Variants in MROH7 observed in about 807,000 individuals in gnomAD.
MROH7 encodes the protein maestro heat like repeat family member 7.
Under a neutral mutation model 129.2 loss-of-function variants are expected in MROH7, and 113 were observed. The observed-to-expected ratio is 0.87, with a 90% CI of 0.75 to 1.02. The LOEUF is 1.02. Among genes scored for constraint, MROH7 ranks in the 50% least tolerant of loss-of-function variants. The probability of loss-of-function intolerance (pLI) is 0.00; values close to 1 mark genes in which losing one functional copy is unlikely to be tolerated. For missense variants in MROH7, 1,601 were observed against 1,671.3 expected (o/e 0.96, Z 0.73); for synonymous variants, 655 against 667.9 (o/e 0.98, Z 0.30).
intron 12 of MROH7, 70 bp from the exon 13 acceptor site, chr1:54,679,821 C>T (rs1645040487): frequency 6.7e-7 from 1 of 1,482,680 alleles, no homozygotes. Flanking sequence ...CCCTCTCCTC[C>T]CACCTTCCTG....
intron 3 of MROH7, 106 bp from the exon 4 acceptor site, chr1:54,665,061 G>A (rs1038500392): frequency 1.5e-5 from 11 of 751,918 alleles, no homozygotes; most frequent in African/African-American, 5.3e-5. Flanking sequence ...CTGCTGGGGT[G>A]GGGTAAGGAT....
At chr1:54,694,682 C>G (rs1645293012) in intron 16 of MROH7, among the ~76,000 whole-genome samples, 1 of 152,172 alleles carries the variant, frequency 6.6e-6, no homozygotes, top group Non-Finnish European at 1.5e-5. Flanking sequence ...GTTGACCAGG[C>G]TGGTCTCAAA....
intron 13 of MROH7, among the ~76,000 whole-genome samples, chr1:54,681,016 G>A (rs1039188314): frequency 1.6e-4 from 24 of 152,090 alleles, no homozygotes; most frequent in Middle Eastern, 6.8e-3. Flanking sequence ...TCTGACATCC[G>A]TCACACAGGA....
At chr1:54,699,980 G>C in intron 17 of MROH7, 1 of 621,960 alleles carries the variant, frequency 1.6e-6, no homozygotes, top group South Asian at 1.9e-5. Flanking sequence ...AGCCTGGGTA[G>C]TTCAGAGAAC....
intron 11 of MROH7, 135 bp downstream of exon 11, chr1:54,678,989 G>C: frequency 1.4e-6 from 1 of 735,434 alleles, no homozygotes; most frequent in Non-Finnish European, 2.3e-6. Context: ...CGCCTGTCCT[G>C]AGTGCCCTCC....
Position 54,700,384 on chromosome 1 carries a change from G to A in MROH7, c.3028G>A (p.Gly1010Ser). ...ATACTCTCTGGGGCGGATGGCAGAA[G>A]GCCTGAGCCACCACGACCCCATCAT... ...EEYSLGRMAE[G>S]LSHHDPIMKV... Residue 1010 changes from glycine to serine, a missense_variant, in exon 18 of 24, where the codon GGC (glycine) becomes AGC (serine). By Grantham distance (56) the Gly-to-Ser change is moderately conservative. Coordinates refer to ENST00000421030, the MANE Select transcript of MROH7 (RefSeq NM_001039464.4). The A allele has an allele frequency of 6.2e-7, 1 of 1,614,108 alleles. No homozygotes were observed. Among genetic ancestry groups the A allele is most frequent in the Non-Finnish European group, 8.5e-7 (1 of 1,179,994 alleles).
chr1:54,706,210 G>C (rs1038262638), intron 21 of MROH7, among the ~76,000 whole-genome samples: 1 of 152,088 alleles, frequency 6.6e-6, no homozygotes, highest in African/African-American at 2.4e-5. Flanking sequence ...ACTGCAGCAG[G>C]GGGGTAAATT....
chr1:54,700,734 GA>G (rs1645422197), intron 18 of MROH7, among the ~76,000 whole-genome samples: 3 of 152,256 alleles, frequency 2.0e-5, no homozygotes, highest in African/African-American at 7.2e-5. Context: ...CTATTTTACA[GA>G]TAAGGAAACA....
At chr1:54,642,985 G>A (rs1050099169) in intron 1 of MROH7, among the ~76,000 whole-genome samples, 1 of 152,232 alleles carries the variant, frequency 6.6e-6, no homozygotes, top group Non-Finnish European at 1.5e-5. Flanking sequence ...CTTTCTTGAA[G>A]AGTTGTCATT....
At chr1:54,704,842 C>A (rs999029330) in intron 21 of MROH7, among the ~76,000 whole-genome samples, 33 of 111,808 alleles carry the variant, frequency 3.0e-4, no homozygotes, top group Middle Eastern at 6.5e-3. Context: ...TCTTGTTCCC[C>A]AGGCTGGAGT....
intron 18 of MROH7, 29 bp downstream of exon 18, chr1:54,700,490 C>T (rs1256106571): frequency 1.3e-6 from 2 of 1,545,192 alleles, no homozygotes. Context: ...AAAGCCTGGC[C>T]CAGCCAGGCC....
intron 17 of MROH7, chr1:54,697,813 T>C (rs975525101): frequency 8.5e-6 from 5 of 589,836 alleles, no homozygotes; most frequent in Admixed American, 7.7e-5. Flanking sequence ...CTAAGTCTGT[T>C]AGTGTCTACC....
chr1:54,688,514 G>T (rs996231164), intron 15 of MROH7, among the ~76,000 whole-genome samples: 28 of 152,126 alleles, frequency 1.8e-4, no homozygotes, highest in Non-Finnish European at 7.4e-5. Flanking sequence ...TTGTGTAGTG[G>T]GCTTGAGTCT....
chr1:54,664,828 A>G (rs1163792366), intron 3 of MROH7, among the ~76,000 whole-genome samples: 1 of 152,196 alleles, frequency 6.6e-6, no homozygotes, highest in Non-Finnish European at 1.5e-5. Flanking sequence ...CCTGGCCAAC[A>G]TGGTGAAACC....
chr1:54,661,411 C>G lies in MROH7; in HGVS notation c.1232-3756C>G, dbSNP rs1052164502. The stretch of plus-strand genomic sequence containing the variant: ...ATTTTTAGTAGAGATGGGGTTTCTC[C>G]GTGTTGATCAGGCTGGTTTCGAACT... On this transcript the variant is annotated intron_variant, in intron 3 of 23. Transcript: ENST00000421030. 6.6e-5 allele frequency among the ~76,000 whole-genome samples: 10 copies of G among 151,820 alleles called. No homozygotes were observed. In the East Asian group the frequency reaches 1.8e-3, roughly 27 times the overall value.
chr1:54,644,303 C>T (rs1644430518), intron 1 of MROH7, among the ~76,000 whole-genome samples: 1 of 151,486 alleles, frequency 6.6e-6, no homozygotes, highest in Non-Finnish European at 1.5e-5. Context: ...TCCCTCCCTC[C>T]CCTGCTCTCC....
chr1:54,644,260 T>C (rs895653941), intron 1 of MROH7, among the ~76,000 whole-genome samples: 9 of 151,774 alleles, frequency 5.9e-5, no homozygotes, highest in Non-Finnish European at 1.3e-4. Context: ...GGGGTCTATT[T>C]TCTCTTTGTT....
rs1468616813 is a variant in MROH7 at position 54,680,600 on chromosome 1, C to T, written c.2381+555C>T. Among the ~76,000 whole-genome samples, 8 of 152,330 alleles carry T rather than the reference C, an allele frequency of 5.3e-5. No individual in the cohort carries two copies. The South Asian group carries it at 1.2e-3, about 24-fold the overall frequency. On this transcript the variant is annotated intron_variant, in intron 13 of 23. Coordinates refer to ENST00000421030, the MANE Select transcript of MROH7 (RefSeq NM_001039464.4). ...GGCCCGTGCGGAAGGGTGCTCCAAG[C>T]TCACTGTCTTCAGGGAGCTCGTGAT... is the stretch of plus-strand genomic sequence containing the variant.
chr1:54,685,467 G>A (rs937184621), intron 14 of MROH7, among the ~76,000 whole-genome samples: 1 of 152,244 alleles, frequency 6.6e-6, no homozygotes, highest in Non-Finnish European at 1.5e-5. Flanking sequence ...GCCCAGAGGC[G>A]CCAGGGAGTG....
Sources: allele counts gnomAD v4.1 joint callset (sites outside exome capture counted in the v4.1 genomes callset), GRCh38; gene constraint gnomAD v4.1.1; transcripts MANE v1.5; gene names NCBI Gene and HGNC (gene_info 2026-07-23, HGNC 2026-07-21).